RFX8: variants seen among roughly 807,000 people sequenced by gnomAD.
The protein encoded by RFX8 is DNA-binding protein RFX8.
RFX8 carries 46 observed loss-of-function variants against 54.6 expected under a neutral mutation model. The ratio of observed to expected loss-of-function variants is 0.84; its 90% CI spans 0.67 to 1.08. The LOEUF is 1.08. Ranked by LOEUF, RFX8 falls within the 50% of genes least tolerant of loss-of-function variation. The pLI, the probability that RFX8 is intolerant of heterozygous loss-of-function variation, is 0.00. For missense variants in RFX8, 536 were observed against 562.3 expected (o/e 0.95, Z 0.47); for synonymous variants, 192 against 209.5 (o/e 0.92, Z 0.72).
chr2:101,421,290 G>C (rs999735840), intron 4 of RFX8: 1 of 986,784 alleles, frequency 1.0e-6, no homozygotes, highest in Non-Finnish European at 1.2e-6. Flanking sequence ...GCCAATTCTA[G>C]GATTAAATCC....
intron 8 of RFX8, among the ~76,000 whole-genome samples, chr2:101,411,638 T>C (rs1242934948): frequency 6.6e-6 from 1 of 152,080 alleles, no homozygotes; most frequent in Non-Finnish European, 1.5e-5. Flanking sequence ...TAATCAGAAT[T>C]AGTAATCCTA....
intron 2 of RFX8, among the ~76,000 whole-genome samples, chr2:101,426,075 T>C (rs1687153512): frequency 1.3e-5 from 2 of 152,160 alleles, no homozygotes; most frequent in Admixed American, 6.5e-5. Flanking sequence ...AAGATACCTG[T>C]TTAAGGCAAT....
chr2:101,417,799 C>A, intron 5 of RFX8, 115 bp from the exon 6 acceptor site: 1 of 789,392 alleles, frequency 1.3e-6, no homozygotes, highest in Non-Finnish European at 1.9e-6. Flanking sequence ...GGGTCCCCAC[C>A]CAGGTTGAAG....
chr2:101,435,569 T>TAC (rs1382153927), intron 2 of RFX8, among the ~76,000 whole-genome samples: 7 of 152,106 alleles, frequency 4.6e-5, no homozygotes, highest in South Asian at 2.1e-4. Context: ...TACTCACACA[T>TAC]ACACACACAC....
rs1431731695 is a variant in RFX8 at position 101,397,622 on chromosome 2, A to C, written c.1348T>G (p.Phe450Val). ...ALITLKDGQQ[F>V]VIQISDVPQS... ...GGTACATCTGATATCTGAATCACAA[A>C]TTGTTGTCCATCTTTTAGGGTTATG... The change falls in exon 12 of 12, where the codon TTT becomes GTT. Residue 450 changes from phenylalanine (F) to valine (V), a missense_variant. Physicochemically the swap from Phe to Val is conservative, Grantham distance 50. Transcript: ENST00000428343. The C allele has an allele frequency of 5.2e-6, 8 of 1,551,160 alleles. No individual in the cohort carries two copies.
chr2:101,473,291 T>C (rs1182843413), intron 1 of RFX8, among the ~76,000 whole-genome samples: 1 of 152,250 alleles, frequency 6.6e-6, no homozygotes, highest in Non-Finnish European at 1.5e-5. Context: ...AAAGGCATCC[T>C]GAGTCCTTTC....
At chr2:101,464,177 C>T (rs1314690675) in intron 2 of RFX8, among the ~76,000 whole-genome samples, 2 of 152,220 alleles carry the variant, frequency 1.3e-5, no homozygotes, top group African/African-American at 4.8e-5. Context: ...GAACTACACA[C>T]ACGGGCCTAT....
In RFX8 at chr2:101,454,499, A is replaced by G. The variant is rs546512648; in HGVS notation, c.72+12278T>C. Among the ~76,000 whole-genome samples the G allele has an allele frequency of 1.1e-4, 17 of 152,288 alleles. 2 individuals are homozygous for G. In the South Asian group the frequency reaches 3.3e-3, roughly 30 times the overall value. ...TGTCTTCCACAATGGTTGAACTAAT[A>G]TACACTCCCACCAACAGTGTAAAAG... On this transcript the variant is annotated intron_variant, in intron 2 of 11. Coordinates refer to ENST00000428343, the MANE Select transcript of RFX8 (RefSeq NM_001145664.2).
intron 1 of RFX8, among the ~76,000 whole-genome samples, chr2:101,472,981 T>C (rs960617727): frequency 6.6e-6 from 1 of 151,682 alleles, no homozygotes; most frequent in African/African-American, 2.4e-5. Flanking sequence ...ATCGTGCCAC[T>C]GCACTCCAGA....
intron 2 of RFX8, among the ~76,000 whole-genome samples, chr2:101,441,160 C>T (rs752311931): frequency 3.0e-4 from 45 of 152,206 alleles, no homozygotes; most frequent in African/African-American, 7.9e-4. Flanking sequence ...TTAGTACAGA[C>T]GGGGTTTCAC....
intron 2 of RFX8, among the ~76,000 whole-genome samples, chr2:101,465,137 CAT>C (rs1161972598): frequency 1.3e-5 from 2 of 152,182 alleles, no homozygotes; most frequent in African/African-American, 2.4e-5. Context: ...ACTTTTCAAA[CAT>C]AGCCACTTCA....
chr2:101,399,944 A>G (rs1172158072), intron 11 of RFX8, among the ~76,000 whole-genome samples: 1 of 152,168 alleles, frequency 6.6e-6, no homozygotes, highest in Non-Finnish European at 1.5e-5. Context: ...ACAGTCTTGG[A>G]AGGATCTGTG....
rs113225604 is a variant in RFX8 at position 101,427,581 on chromosome 2, G to A, written c.73-5109C>T. Among the ~76,000 whole-genome samples, 827 of 152,270 alleles carry A rather than the reference G, an allele frequency of 5.4e-3. 10 individuals are homozygous for A. The highest frequency in any genetic ancestry group is 0.019 in the African/African-American group (773 of 41,530). ...GTGTTGAAATTATGACTTCCAGGGC[G>A]TGTGATAACAGATTTGTGTTGTTTT... On this transcript the variant is annotated intron_variant, in intron 2 of 11. Transcript: ENST00000428343.
At chr2:101,473,936 C>A (rs946936935) in intron 1 of RFX8, among the ~76,000 whole-genome samples, 3 of 152,242 alleles carry the variant, frequency 2.0e-5, no homozygotes, top group Non-Finnish European at 4.4e-5. Context: ...GACCGGATGG[C>A]TTTCCGCGGG....
intron 2 of RFX8, among the ~76,000 whole-genome samples, chr2:101,439,736 G>T (rs1687987443): frequency 6.6e-6 from 1 of 150,436 alleles, no homozygotes; most frequent in Non-Finnish European, 1.5e-5. Flanking sequence ...TTTTGAGATG[G>T]AGTTTCACTT....
At chr2:101,427,939 C>T (rs1213746152) in intron 2 of RFX8, among the ~76,000 whole-genome samples, 1 of 152,186 alleles carries the variant, frequency 6.6e-6, no homozygotes, top group Non-Finnish European at 1.5e-5. Context: ...GTCAACAAGA[C>T]AGTATCTGTT....
chr2:101,465,019 T>C (rs2148992585), intron 2 of RFX8, among the ~76,000 whole-genome samples: 1 of 152,206 alleles, frequency 6.6e-6, no homozygotes, highest in East Asian at 1.9e-4. Flanking sequence ...TGCCAATATT[T>C]GGAGTGATGA....
intron 2 of RFX8, among the ~76,000 whole-genome samples, chr2:101,423,247 A>G (rs1350669564): frequency 5.4e-5 from 8 of 148,248 alleles, no homozygotes; most frequent in Admixed American, 2.1e-4. Flanking sequence ...GACAAAGAGC[A>G]AAACTCCATC....
chr2:101,419,136 C>T (rs1686709072), intron 4 of RFX8, among the ~76,000 whole-genome samples, 172 bp from the exon 5 acceptor site: 1 of 152,132 alleles, frequency 6.6e-6, no homozygotes, highest in Non-Finnish European at 1.5e-5. Context: ...GAATTCTTTC[C>T]AACAACCCAT....
Sources: allele counts gnomAD v4.1 joint callset (sites outside exome capture counted in the v4.1 genomes callset), GRCh38; gene constraint gnomAD v4.1.1; transcripts MANE v1.5; gene names NCBI Gene and HGNC (gene_info 2026-07-23, HGNC 2026-07-21).